TENM1: variants seen among roughly 807,000 people sequenced by gnomAD.
The protein encoded by TENM1 is teneurin transmembrane protein 1.
In TENM1, 35 loss-of-function variants were observed where a neutral mutation model predicts 174.8. The observed-to-expected ratio is 0.20, with a 90% CI of 0.15 to 0.27. The LOEUF (loss-of-function observed/expected upper bound fraction) is 0.27, where lower values mean the gene tolerates loss of function less well. TENM1 is among the 10% of genes least tolerant of loss of function. The pLI, the probability that TENM1 is intolerant of heterozygous loss-of-function variation, is 1.00. For synonymous variants in TENM1, 781 were observed against 798.7 expected (o/e 0.98, Z 0.37); for missense variants, 1,633 against 2,130.1 (o/e 0.77, Z 4.59).
At chrX:124,618,024 G>A (rs747894790) in intron 11 of TENM1, among the ~76,000 whole-genome samples, 2 of 111,779 alleles carry the variant, frequency 1.8e-5, no homozygotes, top group African/African-American at 6.5e-5. Context: ...TAGACCTTAA[G>A]AATTATGAAA....
At chrX:124,906,919 G>A (rs1307131787) in intron 1 of TENM1, among the ~76,000 whole-genome samples, 1 of 111,042 alleles carries the variant, frequency 9.0e-6, no homozygotes, top group Non-Finnish European at 1.9e-5. Flanking sequence ...TGGGGTGTGT[G>A]GGGAGTGGAG....
At chrX:124,842,979 A>G (rs1807707390) in intron 3 of TENM1, among the ~76,000 whole-genome samples, 1 of 111,164 alleles carries the variant, frequency 9.0e-6, no homozygotes, top group African/African-American at 3.3e-5. Flanking sequence ...CCTTAGATCA[A>G]ATGATGCGAT....
intron 1 of TENM1, among the ~76,000 whole-genome samples, chrX:124,942,148 C>A (rs1345528990): frequency 9.0e-6 from 1 of 111,309 alleles, no homozygotes; most frequent in Non-Finnish European, 1.9e-5. Context: ...ATTATTTTCT[C>A]TCTTTCATTG....
chrX:124,943,715 G>A (rs1367725640), intron 1 of TENM1, among the ~76,000 whole-genome samples: 1 of 112,085 alleles, frequency 8.9e-6, no homozygotes, highest in Non-Finnish European at 1.9e-5. Context: ...AGAGAAAACT[G>A]GAAGCTCATG....
chrX:125,155,658 G>A, the TENM1 span, among the ~76,000 whole-genome samples: 7 of 69,707 alleles, frequency 1.0e-4, no homozygotes, highest in South Asian at 9.2e-4. Flanking sequence ...GAAATCGAGC[G>A]CAGCACCGGT....
rs1002206946 is a variant in TENM1 at position 124,546,908 on chromosome X, G to C, written c.2617C>G (p.His873Asp). ...AATGACACCTCAGGAGGAATGACAT[G>C]AGTACTGTCCTTGCCAATGAGGAAT... Residue 873 changes from histidine to aspartate, a missense_variant, in exon 15 of 32, where the codon CAT becomes GAT. Physicochemically the swap from His to Asp is moderately conservative, Grantham distance 81. Coordinates refer to ENST00000422452, the Ensembl canonical transcript of TENM1. The C allele has an allele frequency of 7.4e-6, 9 of 1,208,845 alleles. No homozygotes were observed. In the African/African-American group the frequency reaches 1.6e-4, roughly 21 times the overall value.
chrX:124,881,731 TTTTG>T (rs1157659688), intron 3 of TENM1, among the ~76,000 whole-genome samples: 1 of 109,013 alleles, frequency 9.2e-6, no homozygotes, highest in Non-Finnish European at 1.9e-5. Context: ...TGTTGTTTTG[TTTTG>T]TTTTTTTTTT....
intron 17 of TENM1, among the ~76,000 whole-genome samples, chrX:124,521,756 T>C (rs2047854598): frequency 8.9e-6 from 1 of 112,373 alleles, no homozygotes; most frequent in Non-Finnish European, 1.9e-5. Flanking sequence ...CTCAGAACCT[T>C]GTTCTCTCTT....
the TENM1 span, among the ~76,000 whole-genome samples, chrX:125,024,390 C>G: frequency 9.1e-6 from 1 of 110,034 alleles, no homozygotes; most frequent in Non-Finnish European, 1.9e-5. Flanking sequence ...ACACACCACA[C>G]ACACACACAC....
chrX:124,401,611 T>G (rs1198761208), intron 27 of TENM1, among the ~76,000 whole-genome samples: 2 of 112,311 alleles, frequency 1.8e-5, no homozygotes, highest in Non-Finnish European at 1.9e-5. Flanking sequence ...AGCTTGTCCC[T>G]TGAAAGCTAC....
At chrX:124,432,309 T>G (rs1009710111) in intron 23 of TENM1, among the ~76,000 whole-genome samples, 1 of 112,259 alleles carries the variant, frequency 8.9e-6, no homozygotes, top group Non-Finnish European at 1.9e-5. Context: ...GTTAAATTTG[T>G]GGTTCCTAAA....
intron 3 of TENM1, among the ~76,000 whole-genome samples, chrX:124,831,513 T>C (rs2056287618): frequency 8.9e-6 from 1 of 112,246 alleles, no homozygotes; most frequent in Admixed American, 9.5e-5. Context: ...ACTCACTGTT[T>C]ATCCAATGGT....
At chrX:125,068,908 A>G in the TENM1 span, among the ~76,000 whole-genome samples, 6 of 112,415 alleles carry the variant, frequency 5.3e-5, no homozygotes, top group Non-Finnish European at 1.1e-4. Context: ...TATAGCCTCC[A>G]TGGAAGAAGT....
intron 6 of TENM1, among the ~76,000 whole-genome samples, chrX:124,670,034 C>G (rs2051882355): frequency 9.0e-6 from 1 of 111,709 alleles, no homozygotes; most frequent in African/African-American, 3.3e-5. Context: ...CTCTCTGTGC[C>G]TCTGTTTCTC....
chrX:124,543,080 A>G (rs1205738520), intron 15 of TENM1, among the ~76,000 whole-genome samples: 1 of 112,131 alleles, frequency 8.9e-6, no homozygotes, highest in Non-Finnish European at 1.9e-5. Flanking sequence ...CAGGCATGAC[A>G]TTGAAAGTGA....
At chrX:124,670,824 G>A (rs762947542) in intron 6 of TENM1, among the ~76,000 whole-genome samples, 25 of 111,094 alleles carry the variant, frequency 2.3e-4, no homozygotes, top group Non-Finnish European at 4.7e-4. Context: ...GTTACCACCT[G>A]TATAAAATTG....
In TENM1 at chrX:124,454,102, T is replaced by C. The variant is rs747609833; in HGVS notation, c.3950-611A>G. 8.9e-5 allele frequency among the ~76,000 whole-genome samples: 10 copies of C among 111,738 alleles called. No homozygotes were observed. The South Asian group carries it at 3.0e-3, about 34-fold the overall frequency. ...AGCCGATAAAATTTTCACAGCAGTT[T>C]TTACACACAGTGTTAATTACAGCCT... is the stretch of plus-strand genomic sequence containing the variant. On this transcript the variant is annotated intron_variant, in intron 22 of 31. Transcript: ENST00000422452.
chrX:124,927,532 C>T (rs1014312572), intron 1 of TENM1, among the ~76,000 whole-genome samples: 4 of 111,904 alleles, frequency 3.6e-5, no homozygotes, highest in Non-Finnish European at 5.6e-5. Flanking sequence ...TTTAGTCTGG[C>T]TAAAATATAT....
At chrX:124,720,306 A>C (rs2053282175) in intron 4 of TENM1, among the ~76,000 whole-genome samples, 1 of 112,136 alleles carries the variant, frequency 8.9e-6, no homozygotes, top group South Asian at 3.7e-4. Flanking sequence ...TAAAGCAGGC[A>C]TCATCTGCAT....
Sources: gnomAD v4.1 joint callset for allele counts (sites outside exome capture counted in the v4.1 genomes callset) on GRCh38, gnomAD v4.1.1 for gene constraint, MANE v1.5 for transcripts, NCBI Gene and HGNC (gene_info 2026-07-23, HGNC 2026-07-21) for gene names.